CAMTA1: variants seen among roughly 807,000 people sequenced by gnomAD.
CAMTA1 encodes calmodulin-binding transcription activator 1.
CAMTA1 carries 27 observed loss-of-function variants against 170.9 expected under a neutral mutation model. The observed-to-expected ratio is 0.16, with a 90% confidence interval of 0.12 to 0.22. The LOEUF is 0.22. Among genes scored for constraint, CAMTA1 ranks in the 10% least tolerant of loss-of-function variants. The pLI is 1.00. For missense variants in CAMTA1, 1,619 were observed against 2,217.2 expected (o/e 0.73, Z 5.42); for synonymous variants, 833 against 891.5 (o/e 0.93, Z 1.17).
In CAMTA1 at chr1:7,665,005, T is replaced by G. The variant is rs2095989149; in HGVS notation, c.2458T>G (p.Cys820Gly). 6.2e-7 allele frequency: 1 copy of G among 1,601,162 alleles called. No homozygotes were observed. Among genetic ancestry groups the G allele is most frequent in the Non-Finnish European group, 8.5e-7 (1 of 1,173,472 alleles). ...ARAPFTQAEM[C>G]LPCCSPQQGS... ...GGCCCCCTTCACCCAGGCAGAGATGTGCCTCCCCTGCTGTAGCCCCCAGCA... is the reference window on the plus strand; with the variant it reads ...GGCCCCCTTCACCCAGGCAGAGATGGGCCTCCCCTGCTGTAGCCCCCAGCA... The change falls in exon 9 of 23, where the codon TGC becomes GGC. Residue 820 changes from cysteine to glycine, a missense_variant. Transcript: ENST00000303635. The surrounding 1 kb of genome is among the most constrained non-coding windows in gnomAD (Gnocchi z 4.3).
At chr1:7,204,830 CTTTTTTTTTTT>C (rs367812076) in intron 4 of CAMTA1, among the ~76,000 whole-genome samples, 1 of 86,808 alleles carries the variant, frequency 1.2e-5, no homozygotes, top group Admixed American at 1.4e-4. Flanking sequence ...TTCTTTTTTT[CTTTTTTTTTTT>C]TTTTTTGAGG....
At chr1:6,900,878 C>G (rs1363663684) in intron 3 of CAMTA1, among the ~76,000 whole-genome samples, 1 of 152,142 alleles carries the variant, frequency 6.6e-6, no homozygotes, top group East Asian at 1.9e-4. Context: ...CCGTGCCATC[C>G]TACTCAAAAT....
chr1:7,171,430 C>T (rs1202969075), intron 4 of CAMTA1, among the ~76,000 whole-genome samples: 2 of 152,134 alleles, frequency 1.3e-5, no homozygotes, highest in East Asian at 3.8e-4. Context: ...CAAATGTTAC[C>T]TCCTATTACG....
At chr1:7,516,892 T>G (rs1039897148) in intron 6 of CAMTA1, among the ~76,000 whole-genome samples, 2 of 152,238 alleles carry the variant, frequency 1.3e-5, no homozygotes, top group African/African-American at 4.8e-5. Flanking sequence ...ATAGCTCTAT[T>G]GTTATTTCTC....
At chr1:7,713,106 T>G (rs998529613) in intron 11 of CAMTA1, among the ~76,000 whole-genome samples, 1 of 152,222 alleles carries the variant, frequency 6.6e-6, no homozygotes, top group Non-Finnish European at 1.5e-5. Flanking sequence ...TGTCAAAGGT[T>G]GTCTGAAGTG....
At chr1:6,897,847 C>T (rs192927995) in intron 3 of CAMTA1, among the ~76,000 whole-genome samples, 206 of 152,284 alleles carry the variant, frequency 1.4e-3, no homozygotes, top group African/African-American at 4.4e-3. Flanking sequence ...TTGTTCATTT[C>T]TTTTTTCCCA....
chr1:6,913,849 A>G (rs903429899), intron 3 of CAMTA1, among the ~76,000 whole-genome samples: 34 of 152,006 alleles, frequency 2.2e-4, no homozygotes, highest in African/African-American at 7.7e-4. Flanking sequence ...AAGGGACTGC[A>G]TGAGTACAGG....
At chr1:7,078,469 C>T (rs1467991522) in intron 3 of CAMTA1, among the ~76,000 whole-genome samples, 1 of 152,230 alleles carries the variant, frequency 6.6e-6, no homozygotes, top group Non-Finnish European at 1.5e-5. Context: ...AAATCTGTAT[C>T]TCTACGGGCT....
At chr1:7,498,191 A>AGTGAGTGT (rs112193369) in intron 6 of CAMTA1, among the ~76,000 whole-genome samples, 2 of 148,516 alleles carry the variant, frequency 1.3e-5, no homozygotes, top group Non-Finnish European at 3.0e-5. Flanking sequence ...TATGAGAGTG[A>AGTGAGTGT]GTGTGTGTGT....
At chr1:7,758,671 T>C (rs141070156) in intron 22 of CAMTA1, among the ~76,000 whole-genome samples, 5,600 of 152,184 alleles carry the variant, frequency 0.037, 516 homozygotes, top group East Asian at 0.25. Context: ...CGCGGTGGCT[T>C]ACGCCTGTAA....
At chr1:6,797,236 AT>A (rs1642737795) in intron 1 of CAMTA1, among the ~76,000 whole-genome samples, 1 of 152,108 alleles carries the variant, frequency 6.6e-6, no homozygotes. Flanking sequence ...TGCCAGGCTA[AT>A]TTTTGTAGAG....
intron 4 of CAMTA1, among the ~76,000 whole-genome samples, chr1:7,104,699 A>G (rs1159006612): frequency 6.6e-6 from 1 of 152,062 alleles, no homozygotes; most frequent in Non-Finnish European, 1.5e-5. Flanking sequence ...TCCCCTTCCA[A>G]TCAGACTGTC....
At chr1:7,280,468 C>T (rs934768638) in intron 5 of CAMTA1, among the ~76,000 whole-genome samples, 2 of 152,252 alleles carry the variant, frequency 1.3e-5, no homozygotes, top group African/African-American at 4.8e-5. Context: ...TTGGCTCTGG[C>T]TGTGCACTGC....
chr1:7,177,700 CCA>C (rs1651211094), intron 4 of CAMTA1, among the ~76,000 whole-genome samples: 1 of 150,920 alleles, frequency 6.6e-6, no homozygotes, highest in Non-Finnish European at 1.5e-5. Context: ...GTACCCCTCC[CCA>C]CACACAGTCC....
chr1:7,346,253 G>C (rs1325522745), intron 5 of CAMTA1, among the ~76,000 whole-genome samples: 1 of 152,130 alleles, frequency 6.6e-6, no homozygotes, highest in Non-Finnish European at 1.5e-5. Flanking sequence ...CTGCCTTGCT[G>C]TGTGACCTTG....
In CAMTA1 at chr1:7,335,154, G is replaced by T. The variant is rs1574755647; in HGVS notation, c.438+85528G>T. ...TGTGTGTGTGTGGGGGGGGGGGGGG[G>T]GGGTGGGGGTGGGGGGTGTCAGACC... On this transcript the variant is annotated intron_variant, in intron 5 of 22. Coordinates refer to ENST00000303635, the MANE Select transcript of CAMTA1 (RefSeq NM_015215.4). Among the ~76,000 whole-genome samples the T allele has an allele frequency of 2.7e-3, 280 of 103,218 alleles. 1 individual carries two copies. Among genetic ancestry groups the T allele is most frequent in the Middle Eastern group, 9.6e-3 (2 of 208 alleles). The allele number at this position is 103,218 out of a possible 152,430, so 67.7% of individuals were successfully genotyped here. A position where few individuals can be genotyped will look rare whatever the true frequency, so the allele number is the denominator to read the frequency against.
intron 3 of CAMTA1, among the ~76,000 whole-genome samples, chr1:6,835,642 G>A (rs1197585643): frequency 6.6e-6 from 1 of 152,184 alleles, no homozygotes; most frequent in Non-Finnish European, 1.5e-5. Context: ...AAGAATCTCA[G>A]CCTCCTGGAA....
chr1:7,544,190 C>G (rs372422773), intron 6 of CAMTA1, among the ~76,000 whole-genome samples: 3 of 152,194 alleles, frequency 2.0e-5, no homozygotes, highest in Non-Finnish European at 2.9e-5. Flanking sequence ...GCAAAAGGCA[C>G]TTCTTACATG....
intron 3 of CAMTA1, among the ~76,000 whole-genome samples, chr1:6,999,793 T>C (rs77031581): frequency 0.018 from 2,817 of 152,308 alleles, 42 homozygotes; most frequent in African/African-American, 0.036. Flanking sequence ...CCCTCACTTG[T>C]GCTCTTTCTG....
Sources: allele counts gnomAD v4.1 joint callset (sites outside exome capture counted in the v4.1 genomes callset), GRCh38; gene constraint gnomAD v4.1.1; non-coding constraint Gnocchi (gnomAD v3.1); transcripts MANE v1.5; gene names NCBI Gene and HGNC (gene_info 2026-07-23, HGNC 2026-07-21).